PLPP4: variants seen among roughly 807,000 people sequenced by gnomAD.
PLPP4 encodes diacylglycerol pyrophosphate like 2.
A neutral mutation model predicts 32.2 loss-of-function variants in PLPP4; 20 were observed. The observed-to-expected ratio is 0.62, with a 90% CI of 0.44 to 0.90. The LOEUF is 0.90. Ranked by LOEUF, PLPP4 falls within the 40% of genes least tolerant of loss-of-function variation. PLPP4 has a pLI of 0.00. For missense variants in PLPP4, 257 were observed against 353.1 expected (o/e 0.73, Z 2.18); for synonymous variants, 127 against 133.0 (o/e 0.95, Z 0.31).
At chr10:120,461,954 T>C (rs1290146922) in intron 1 of PLPP4, among the ~76,000 whole-genome samples, 2 of 152,212 alleles carry the variant, frequency 1.3e-5, no homozygotes, top group African/African-American at 4.8e-5. Flanking sequence ...GGATGTCAGG[T>C]AGATTTTTGA....
At chr10:120,463,929 C>T (rs889717475) in intron 1 of PLPP4, among the ~76,000 whole-genome samples, 5 of 152,190 alleles carry the variant, frequency 3.3e-5, no homozygotes, top group African/African-American at 4.8e-5. Flanking sequence ...ATCCTCCCAC[C>T]TCAGCCTCTC....
chr10:120,500,656 TAG>T (rs1472002169), intron 1 of PLPP4, among the ~76,000 whole-genome samples: 1 of 91,176 alleles, frequency 1.1e-5, no homozygotes, highest in African/African-American at 4.4e-5. Flanking sequence ...CCCACAGTGC[TAG>T]AGAGGAAGGG....
At chr10:120,507,333 T>C (rs1845533496) in intron 2 of PLPP4, among the ~76,000 whole-genome samples, 1 of 150,374 alleles carries the variant, frequency 6.7e-6, no homozygotes, top group African/African-American at 2.5e-5. Flanking sequence ...GGTAAACTTC[T>C]AGGGAAGTTC....
intron 5 of PLPP4, among the ~76,000 whole-genome samples, chr10:120,531,873 TACACACACACACAC>T (rs145252286): frequency 6.7e-6 from 1 of 148,150 alleles, no homozygotes; most frequent in Non-Finnish European, 1.5e-5. Flanking sequence ...CTACACACAC[TACACACACACACAC>T]ACACACACAT....
intron 6 of PLPP4, among the ~76,000 whole-genome samples, chr10:120,579,366 G>A (rs1014652878): frequency 4.1e-4 from 63 of 152,042 alleles, no homozygotes; most frequent in Admixed American, 1.8e-3. Flanking sequence ...GTTGGAAAGC[G>A]TCTCGGTCAT....
At chr10:120,554,339 G>C (rs1848049807) in intron 5 of PLPP4, among the ~76,000 whole-genome samples, 1 of 152,152 alleles carries the variant, frequency 6.6e-6, no homozygotes, top group Non-Finnish European at 1.5e-5. Flanking sequence ...CTCCGTCTGA[G>C]ACCACCTCAG....
intron 6 of PLPP4, among the ~76,000 whole-genome samples, chr10:120,575,905 G>A (rs1354029696): frequency 6.6e-6 from 1 of 152,164 alleles, no homozygotes; most frequent in Non-Finnish European, 1.5e-5. Context: ...TCCTTCTGCA[G>A]ACAAACTGCA....
chr10:120,579,577 A>G (rs967264157), intron 6 of PLPP4, among the ~76,000 whole-genome samples: 1 of 152,186 alleles, frequency 6.6e-6, no homozygotes, highest in African/African-American at 2.4e-5. Flanking sequence ...ATGTGCCACA[A>G]AATACTTCTG....
chr10:120,570,915 T>G (rs1848903878), intron 5 of PLPP4, among the ~76,000 whole-genome samples: 1 of 152,198 alleles, frequency 6.6e-6, no homozygotes, highest in African/African-American at 2.4e-5. Context: ...AAAGTCATTA[T>G]CTTTCGTCTT....
chr10:120,531,116 G>A (rs1846695319), intron 5 of PLPP4, among the ~76,000 whole-genome samples: 1 of 132,210 alleles, frequency 7.6e-6, no homozygotes, highest in African/African-American at 2.9e-5. Context: ...TTGAGACGGA[G>A]TCTTGCTTTG....
chr10:120,558,516 A>G (rs1410754978), intron 5 of PLPP4, among the ~76,000 whole-genome samples: 1 of 151,536 alleles, frequency 6.6e-6, no homozygotes, highest in Non-Finnish European at 1.5e-5. Context: ...CCCAGGTTCA[A>G]GCTATTCTCC....
intron 3 of PLPP4, among the ~76,000 whole-genome samples, chr10:120,514,587 T>G (rs980042538): frequency 2.0e-5 from 3 of 152,254 alleles, no homozygotes; most frequent in African/African-American, 7.2e-5. Context: ...TTATAAAGTC[T>G]TCCCAAGACG....
intron 5 of PLPP4, among the ~76,000 whole-genome samples, chr10:120,533,895 T>C (rs1025947466): frequency 4.6e-5 from 7 of 152,276 alleles, no homozygotes; most frequent in African/African-American, 1.7e-4. Context: ...CCAGTTCTTT[T>C]GTGCTGCTAT....
At chr10:120,458,634 C>G (rs1432740901) in intron 1 of PLPP4, among the ~76,000 whole-genome samples, 1 of 152,052 alleles carries the variant, frequency 6.6e-6, no homozygotes, top group Non-Finnish European at 1.5e-5. Context: ...TGCAAGCAAG[C>G]CCCCCTCTCC....
chr10:120,476,611 G>A (rs75970537), intron 1 of PLPP4, among the ~76,000 whole-genome samples: 6,191 of 152,198 alleles, frequency 0.041, 193 homozygotes, highest in South Asian at 0.11. Flanking sequence ...CGCCCACTGC[G>A]GGTCATAACA....
intron 6 of PLPP4, among the ~76,000 whole-genome samples, chr10:120,579,943 TA>T (rs34914600): frequency 0.072 from 9,150 of 127,196 alleles, 427 homozygotes; most frequent in Middle Eastern, 0.17. Context: ...CCGTCTCTAC[TA>T]AAAAAAAAAA....
intron 1 of PLPP4, among the ~76,000 whole-genome samples, chr10:120,490,662 A>G (rs751773928): frequency 3.9e-5 from 6 of 152,256 alleles, no homozygotes; most frequent in East Asian, 3.9e-4. Context: ...TTGTTCCTCC[A>G]TGGGGGAACA....
At chr10:120,531,890 A>ACACG (rs1484276820) in intron 5 of PLPP4, among the ~76,000 whole-genome samples, 2 of 149,758 alleles carry the variant, frequency 1.3e-5, no homozygotes, top group Non-Finnish European at 3.0e-5. Context: ...ACACACACAC[A>ACACG]CACACATATA....
chr10:120,574,158 ACACACACACACT>A (rs1849076516), intron 5 of PLPP4, among the ~76,000 whole-genome samples: 6 of 121,094 alleles, frequency 5.0e-5, no homozygotes, highest in Admixed American at 9.1e-5. Flanking sequence ...ACACACACAC[ACACACACACACT>A]CTCTCTCTCT....
Sources: allele counts gnomAD v4.1 joint callset (sites outside exome capture counted in the v4.1 genomes callset), GRCh38; gene constraint gnomAD v4.1.1; transcripts MANE v1.5; gene names NCBI Gene and HGNC (gene_info 2026-07-23, HGNC 2026-07-21).